PUM2: variants seen among roughly 807,000 people sequenced by gnomAD.
The protein encoded by PUM2 is pumilio homolog 2.
A neutral mutation model predicts 124.5 loss-of-function variants in PUM2; 57 were observed. The ratio of observed to expected loss-of-function variants is 0.46; its 90% confidence interval spans 0.37 to 0.57. The LOEUF is 0.57. Ranked by LOEUF, PUM2 falls within the 20% of genes least tolerant of loss-of-function variation. The probability of loss-of-function intolerance (pLI) is 0.00; values close to 1 mark genes in which losing one functional copy is unlikely to be tolerated. For synonymous variants in PUM2, 460 were observed against 446.1 expected (o/e 1.03, Z -0.39); for missense variants, 1,065 against 1,290.6 (o/e 0.83, Z 2.68).
intron 13 of PUM2, among the ~76,000 whole-genome samples, chr2:20,268,320 AAAGT>A (rs1477853703): frequency 6.6e-6 from 1 of 152,218 alleles, no homozygotes; most frequent in Non-Finnish European, 1.5e-5. Flanking sequence ...AATAAAAATC[AAAGT>A]AAGTATGCCC....
intron 7 of PUM2, among the ~76,000 whole-genome samples, chr2:20,304,069 C>A (rs995555233): frequency 8.5e-5 from 13 of 152,142 alleles, no homozygotes; most frequent in African/African-American, 3.1e-4. Context: ...TATGTGGTAT[C>A]AGAATTATTG....
chr2:20,268,044 T>C lies in PUM2; in HGVS notation c.1958-4584A>G, dbSNP rs902194942. Among the ~76,000 whole-genome samples, 18 of 150,170 alleles carry C rather than the reference T, an allele frequency of 1.2e-4. 1 individual carries two copies. The highest frequency in any genetic ancestry group is 2.9e-5 in the Non-Finnish European group (2 of 68,008). On this transcript the variant is annotated intron_variant, in intron 13 of 20. Transcript: ENST00000361078. ...GGGCAAGGGGTGCTGGGGGAGACCG[T>C]AAGTGAAACCACCACAAAATAAAGA...
intron 17 of PUM2, among the ~76,000 whole-genome samples, chr2:20,255,713 CTT>C (rs1354475124): frequency 6.6e-6 from 1 of 152,116 alleles, no homozygotes; most frequent in Non-Finnish European, 1.5e-5. Flanking sequence ...ATTATACAGT[CTT>C]ATGTCTTTCT....
At chr2:20,289,462 A>T (rs1196464962) in intron 10 of PUM2, among the ~76,000 whole-genome samples, 1 of 152,176 alleles carries the variant, frequency 6.6e-6, no homozygotes, top group Non-Finnish European at 1.5e-5. Context: ...CCATTTCTCA[A>T]AAGTCTGCTT....
intron 1 of PUM2, among the ~76,000 whole-genome samples, chr2:20,339,366 A>G (rs1361992888): frequency 6.6e-6 from 1 of 152,132 alleles, no homozygotes; most frequent in Non-Finnish European, 1.5e-5. Flanking sequence ...AAAGTACAAT[A>G]AAACATCTAA....
intron 10 of PUM2, among the ~76,000 whole-genome samples, 185 bp from the exon 11 acceptor site, chr2:20,283,671 T>C (rs888967825): frequency 1.3e-5 from 2 of 152,094 alleles, no homozygotes; most frequent in South Asian, 2.1e-4. Flanking sequence ...GAAAAAGTAA[T>C]AGACTGTCAT....
chr2:20,252,954 A>T (rs193001174), intron 20 of PUM2, among the ~76,000 whole-genome samples: 1 of 152,342 alleles, frequency 6.6e-6, no homozygotes, highest in Non-Finnish European at 1.5e-5. Context: ...ACACTGTATT[A>T]GGTATCGTTA....
intron 13 of PUM2, among the ~76,000 whole-genome samples, chr2:20,274,455 A>G (rs995501767): frequency 6.6e-6 from 1 of 152,166 alleles, no homozygotes; most frequent in South Asian, 2.1e-4. Context: ...CAGCAATTTA[A>G]ACAGAATGAT....
At chr2:20,283,591 T>A (rs1270914681) in intron 10 of PUM2, 105 bp from the exon 11 acceptor site, 2 of 1,128,230 alleles carry the variant, frequency 1.8e-6, no homozygotes, top group Non-Finnish European at 2.5e-6. Context: ...CAGCTATTTG[T>A]ACCATTACTA....
Position 20,311,479 on chromosome 2 carries a change from A to C in PUM2, c.518+15T>G. The C allele has an allele frequency of 6.3e-7, 1 of 1,594,138 alleles. No individual in the cohort carries two copies. Among genetic ancestry groups the C allele is most frequent in the Non-Finnish European group, 8.5e-7 (1 of 1,171,084 alleles). On this transcript the variant is annotated intron_variant, in intron 5 of 20. Coordinates refer to ENST00000361078, the MANE Select transcript of PUM2 (RefSeq NM_015317.5). ...AAAAGATACGCTTTTCTTCTTGAGA[A>C]AGTTAAAATCTTACTTAAAATCTTT...
intron 8 of PUM2, among the ~76,000 whole-genome samples, chr2:20,295,644 T>C (rs969268524): frequency 6.6e-6 from 1 of 151,732 alleles, no homozygotes; most frequent in African/African-American, 2.4e-5. Flanking sequence ...AAAAATAAAA[T>C]AAAAAGGACA....
At position 20,249,142 on chromosome 2, in the gene PUM2, A is replaced by G. The variant is rs1216306955; in HGVS notation, c.*2443T>C. 1 of 152,246 alleles carries G rather than the reference A, an allele frequency of 6.6e-6. No individual in the cohort carries two copies. The highest frequency in any genetic ancestry group is 2.4e-5 in the African/African-American group (1 of 41,452). 9.4% of individuals were successfully genotyped at this position (152,246 alleles called of 1,614,324 possible). ...CCCAAGAAGAGGGTTTAGTTTCTCA[A>G]TGTAGTATTCTCTACTTGTCATTTT... On this transcript the variant is annotated 3_prime_UTR_variant, in exon 21 of 21. Transcript: ENST00000361078.
intron 13 of PUM2, among the ~76,000 whole-genome samples, chr2:20,267,795 C>A (rs1315072696): frequency 1.3e-5 from 2 of 152,152 alleles, no homozygotes; most frequent in African/African-American, 4.8e-5. Flanking sequence ...TTATCTCATA[C>A]GACAGTGTGC....
intron 6 of PUM2, 29 bp downstream of exon 6, chr2:20,308,285 A>G: frequency 6.2e-7 from 1 of 1,605,454 alleles, no homozygotes. Context: ...AGTTAAGAGG[A>G]CCTTCTTAAA....
intron 3 of PUM2, among the ~76,000 whole-genome samples, chr2:20,315,233 G>A (rs929266172): frequency 1.3e-5 from 2 of 152,032 alleles, no homozygotes; most frequent in Non-Finnish European, 2.9e-5. Context: ...CAATGGGGAG[G>A]TGAGAGTGAT....
In PUM2 at chr2:20,274,234, C is replaced by T. The variant is rs188529146; in HGVS notation, c.1957+4349G>A. On this transcript the variant is annotated intron_variant, in intron 13 of 20. Coordinates refer to ENST00000361078, the MANE Select transcript of PUM2 (RefSeq NM_015317.5). ...CTTTAAGAAAAAAAACTATCGAATG[C>T]TATTCAGTTACAGAGAACTGTAACT... Among the ~76,000 whole-genome samples the T allele has an allele frequency of 1.4e-3, 210 of 152,208 alleles. 1 individual carries two copies. The highest frequency in any genetic ancestry group is 1.1e-3 in the Non-Finnish European group (78 of 67,974).
chr2:20,302,836 T>C (rs1214830273), intron 7 of PUM2, among the ~76,000 whole-genome samples: 1 of 152,140 alleles, frequency 6.6e-6, no homozygotes, highest in Non-Finnish European at 1.5e-5. Context: ...GCAGAAACTC[T>C]CTAAGATAAC....
chr2:20,338,154 T>C (rs1440145911), intron 1 of PUM2, among the ~76,000 whole-genome samples: 1 of 152,130 alleles, frequency 6.6e-6, no homozygotes, highest in East Asian at 1.9e-4. Context: ...CCCAGCACTT[T>C]AGGAGGCTGA....
intron 3 of PUM2, among the ~76,000 whole-genome samples, chr2:20,312,914 T>C (rs1431945259): frequency 1.3e-5 from 2 of 151,732 alleles, no homozygotes; most frequent in African/African-American, 4.8e-5. Context: ...AAATAACACA[T>C]CTATAGCCAC....
Sources: allele counts gnomAD v4.1 joint callset (sites outside exome capture counted in the v4.1 genomes callset), GRCh38; gene constraint gnomAD v4.1.1; transcripts MANE v1.5; gene names NCBI Gene and HGNC (gene_info 2026-07-23, HGNC 2026-07-21).